SBNO2: variants seen among roughly 807,000 people sequenced by gnomAD.
SBNO2 encodes the protein strawberry notch homolog 2, also known as protein strawberry notch homolog 2.
In SBNO2, 89 loss-of-function variants were observed where a neutral mutation model predicts 146.3. That is an observed-to-expected ratio of 0.61 (90% CI 0.51 to 0.73). The LOEUF (loss-of-function observed/expected upper bound fraction) is 0.73. Among genes scored for constraint, SBNO2 ranks in the 30% least tolerant of loss-of-function variants. The pLI, the probability that SBNO2 is intolerant of heterozygous loss-of-function variation, is 0.00. For synonymous variants in SBNO2, 1,147 were observed against 892.6 expected, an observed-to-expected ratio of 1.29 and a Z score of -5.08; for missense variants, 2,092 against 2,003.7, an observed-to-expected ratio of 1.04 and a Z score of -0.84.
intron 11 of SBNO2, among the ~76,000 whole-genome samples, chr19:1,120,601 C>T (rs1024252835): frequency 2.6e-5 from 4 of 152,074 alleles, no homozygotes; most frequent in Non-Finnish European, 5.9e-5. Flanking sequence ...AAACTCCTGA[C>T]CTCAAGTGAC....
Position 1,126,379 on chromosome 19 carries a change from C to G in SBNO2, c.441+1225G>C, listed in dbSNP as rs1287483064. On this transcript the variant is annotated intron_variant, in intron 5 of 31. Transcript: ENST00000361757. The surrounding 1 kb of genome is among the most constrained non-coding windows in gnomAD (Gnocchi z 4.4). The stretch of plus-strand genomic sequence containing the variant: ...GCGGGCATTGGGTTTCAGATGCCCT[C>G]GTGCCGGCCACAGCAGGCCGGTCAG... Among the ~76,000 whole-genome samples the G allele has an allele frequency of 6.6e-6, 1 of 152,110 alleles. No homozygotes were observed. Among genetic ancestry groups the G allele is most frequent in the East Asian group, 1.9e-4 (1 of 5,194 alleles).
chr19:1,116,879 C>G lies in SBNO2; in HGVS notation c.1752G>C (p.Glu584Asp). The change falls in exon 16 of 32, where the codon GAG becomes GAC. Residue 584 changes from glutamate to aspartate, a missense_variant. Physicochemically the swap from Glu to Asp is conservative, Grantham distance 45. Coordinates refer to ENST00000361757, the MANE Select transcript of SBNO2 (RefSeq NM_014963.3). ...GGTGCCCATCGTTCTCCCCCAGCACCTCCCGCGTGCGCGCCTCGCCCGTGG... is the reference window on the plus strand; with the variant it reads ...GGTGCCCATCGTTCTCCCCCAGCACGTCCCGCGTGCGCGCCTCGCCCGTGG... ...LQSTGEARTREVLGENDGHLN... is the reference protein window; with the variant it reads ...LQSTGEARTRDVLGENDGHLN... 6.3e-7 allele frequency: 1 copy of G among 1,586,410 alleles called. No individual in the cohort carries two copies.
chr19:1,157,511 C>T lies in SBNO2; in HGVS notation c.-126-3109G>A, dbSNP rs2080303129. Among the ~76,000 whole-genome samples the T allele has an allele frequency of 6.7e-6, 1 of 149,110 alleles. No individual in the cohort carries two copies. The highest frequency in any genetic ancestry group is 2.4e-5 in the African/African-American group (1 of 40,830). On this transcript the variant is annotated intron_variant, in intron 1 of 31. Coordinates refer to ENST00000361757, the MANE Select transcript of SBNO2 (RefSeq NM_014963.3). This position sits in a 1 kb window ranked among gnomAD's most constrained non-coding sequence, Gnocchi z 6.8. The stretch of plus-strand genomic sequence containing the variant: ...TCCAGCGGGCAGCAGAGCGTGTCCC[C>T]TGCCTGGTTTTATTTTTGGGCGCGA...
rs191642960 is a variant in SBNO2, at chr19:1,149,364, C to T, written c.167+5G>A. On this transcript the variant is annotated splice_donor_5th_base_variant and intron_variant, in intron 3 of 31. Coordinates refer to ENST00000361757, the MANE Select transcript of SBNO2 (RefSeq NM_014963.3). ...GGGCCAGGCGGGGAGGGTCCCGGTA[C>T]TCACCGGCTGTCGCTGGAGAAGGCA... The T allele has an allele frequency of 4.5e-6, 7 of 1,551,356 alleles. No individual in the cohort carries two copies. The highest frequency in any genetic ancestry group is 4.4e-6 in the Non-Finnish European group (5 of 1,147,494).
At chr19:1,119,455 G>A (rs978703252) in intron 13 of SBNO2, 61 bp downstream of exon 13, 12 of 1,311,122 alleles carry the variant, frequency 9.2e-6, no homozygotes, top group Admixed American at 2.1e-5. Context: ...TTGGGCTGAT[G>A]GGCCTGAGGC....
chr19:1,146,597 G>A (rs1237206335), intron 4 of SBNO2, among the ~76,000 whole-genome samples: 1 of 151,814 alleles, frequency 6.6e-6, no homozygotes, highest in Non-Finnish European at 1.5e-5. Flanking sequence ...CCCTGGCCCC[G>A]GGTCCCACAC....
intron 1 of SBNO2, among the ~76,000 whole-genome samples, chr19:1,160,535 G>T (rs1174903691): frequency 6.6e-6 from 1 of 152,060 alleles, no homozygotes; most frequent in Non-Finnish European, 1.5e-5. Flanking sequence ...GCCACCGGGG[G>T]TCTCGTCCCT....
intron 2 of SBNO2, among the ~76,000 whole-genome samples, chr19:1,151,175 G>A (rs983602750): frequency 2.0e-5 from 3 of 152,250 alleles, no homozygotes; most frequent in Non-Finnish European, 4.4e-5. Context: ...GAACATTCTG[G>A]AACAGAACTC....
At position 1,157,061 on chromosome 19, in the gene SBNO2, G is replaced by A. The variant is rs1407152467; in HGVS notation, c.-126-2659C>T. 4.1e-5 allele frequency among the ~76,000 whole-genome samples: 6 copies of A among 147,880 alleles called. No individual in the cohort carries two copies. The South Asian group carries it at 6.6e-4, about 16-fold the overall frequency. On this transcript the variant is annotated intron_variant, in intron 1 of 31. Coordinates refer to ENST00000361757, the MANE Select transcript of SBNO2 (RefSeq NM_014963.3). The surrounding 1 kb of genome is among the most constrained non-coding windows in gnomAD (Gnocchi z 6.8). ...CATATCTCACAACCCCTGCTGCCCCGATCCCCAGGCCCTCCCGCAGCCCCC... is the reference window on the plus strand; with the variant it reads ...CATATCTCACAACCCCTGCTGCCCCAATCCCCAGGCCCTCCCGCAGCCCCC...
chr19:1,110,786 T>C lies in SBNO2; in HGVS notation c.2987A>G (p.Glu996Gly), dbSNP rs752197785. The change falls in exon 26 of 32, where the codon GAG becomes GGG. Residue 996 changes from glutamate (E) to glycine (G), a missense_variant. Transcript: ENST00000361757. The surrounding 1 kb of genome is among the most constrained non-coding windows in gnomAD (Gnocchi z 4.9). ...YFSDTFDHLI[E>G]MDKREGKYDM... is the part of the protein sequence containing the mutation. Reference sequence around the variant, plus strand: ...GTATTTGCCCTCCCGCTTGTCCATCTCGATGAGGTGGTCGAAGGTGTCTGA... The same window carrying C: ...GTATTTGCCCTCCCGCTTGTCCATCCCGATGAGGTGGTCGAAGGTGTCTGA... 1.2e-6 allele frequency: 2 copies of C among 1,613,456 alleles called. No individual in the cohort carries two copies. Among genetic ancestry groups the C allele is most frequent in the Non-Finnish European group, 1.7e-6 (2 of 1,179,720 alleles).
rs370283889 is a variant in SBNO2 at position 1,150,216 on chromosome 19, G to A, written c.94-774C>T. Among the ~76,000 whole-genome samples, 5 of 152,282 alleles carry A rather than the reference G, an allele frequency of 3.3e-5. No homozygotes were observed. The highest frequency in any genetic ancestry group is 1.9e-4 in the East Asian group (1 of 5,176). On this transcript the variant is annotated intron_variant, in intron 2 of 31. Transcript: ENST00000361757. This position sits in a 1 kb window ranked among gnomAD's most constrained non-coding sequence, Gnocchi z 6.2. Reference sequence around the variant, plus strand: ...GGAAAACCTCACTATGCCTGCCCTTGGGAATGAGAGCGGCTTGAGGCACAC... The same window carrying A: ...GGAAAACCTCACTATGCCTGCCCTTAGGAATGAGAGCGGCTTGAGGCACAC...
rs180784229 is a variant in SBNO2 at position 1,173,828 on chromosome 19, G to C, written c.-127+344C>G. 1 of 151,974 alleles carries C rather than the reference G, an allele frequency of 6.6e-6. No individual in the cohort carries two copies. 9.4% of individuals were successfully genotyped at this position (151,974 alleles called of 1,614,324 possible). A position where few individuals can be genotyped will look rare whatever the true frequency, so the allele number is the denominator to read the frequency against. On this transcript the variant is annotated intron_variant, in intron 1 of 31. Transcript: ENST00000361757. The surrounding 1 kb of genome is among the most constrained non-coding windows in gnomAD (Gnocchi z 4.7). ...AGGTCGGGGGTCACCAAGCTGCGCGGTACAGGGAGTCACCCGGAAGAGCGG... is the reference window on the plus strand; with the variant it reads ...AGGTCGGGGGTCACCAAGCTGCGCGCTACAGGGAGTCACCCGGAAGAGCGG...
Position 1,108,287 on chromosome 19 carries a change from C to CCGCCCGCCG in SBNO2, c.4025_4033dup (p.Ala1342_Gly1344dup). 2.0e-6 allele frequency: 3 copies of CCGCCCGCCG among 1,501,280 alleles called. No homozygotes were observed. Among genetic ancestry groups the CCGCCCGCCG allele is most frequent in the Non-Finnish European group, 2.7e-6 (3 of 1,122,752 alleles). The allele number at this position is 1,501,280 out of a possible 1,614,324, so 93.0% of individuals were successfully genotyped here. ...GATCACGCTCTGCCGCTCGGGACCA[C>CCGCCCGCCG]CGCCCGCCGCGCCCCCCGCCCCCGC... On this transcript the variant is annotated inframe_insertion, in exon 32 of 32. Coordinates refer to ENST00000361757, the MANE Select transcript of SBNO2 (RefSeq NM_014963.3).
At chr19:1,123,097 C>T in intron 7 of SBNO2, 52 bp from the exon 8 acceptor site, 1 of 1,567,104 alleles carries the variant, frequency 6.4e-7, no homozygotes, top group Non-Finnish European at 8.6e-7. Flanking sequence ...AAGGGGTGAC[C>T]AGGGCCGGTT....
At chr19:1,119,245 G>A (rs1469628774) in intron 13 of SBNO2, 81 bp from the exon 14 acceptor site, 27 of 1,484,894 alleles carry the variant, frequency 1.8e-5, no homozygotes, top group South Asian at 3.7e-5. Flanking sequence ...AGAGCCAGTC[G>A]CAGAGAGGGC....
chr19:1,108,069 G>A lies in SBNO2; in HGVS notation c.*151C>T, dbSNP rs1476410871. On this transcript the variant is annotated 3_prime_UTR_variant, in exon 32 of 32. Coordinates refer to ENST00000361757, the MANE Select transcript of SBNO2 (RefSeq NM_014963.3). Reference sequence around the variant, plus strand: ...AGTGGGCCCCGCCAGGGCTGACCAGGTGGGGGCCCGGGTCGGGCGCTGAAG... The same window carrying A: ...AGTGGGCCCCGCCAGGGCTGACCAGATGGGGGCCCGGGTCGGGCGCTGAAG... 4.5e-6 allele frequency: 4 copies of A among 892,980 alleles called. No individual in the cohort carries two copies. Among genetic ancestry groups the A allele is most frequent in the Non-Finnish European group, 6.1e-6 (4 of 651,932 alleles). 55.3% of individuals were successfully genotyped at this position (892,980 alleles called of 1,614,324 possible). A position where few individuals can be genotyped will look rare whatever the true frequency, so the allele number is the denominator to read the frequency against.
intron 4 of SBNO2, among the ~76,000 whole-genome samples, chr19:1,130,248 G>A (rs1335389239): frequency 2.6e-5 from 4 of 152,180 alleles, no homozygotes; most frequent in East Asian, 1.9e-4. Context: ...AGCCACAGAC[G>A]GGAGATAGAA....
rs1418773190 is a variant in SBNO2, at chr19:1,109,932, GA to G, written c.3029-156del. 6.6e-6 allele frequency among the ~76,000 whole-genome samples: 1 copy of G among 151,998 alleles called. No homozygotes were observed. Among genetic ancestry groups the G allele is most frequent in the Non-Finnish European group, 1.5e-5 (1 of 67,966 alleles). On this transcript the variant is annotated intron_variant, in intron 26 of 31. Coordinates refer to ENST00000361757, the MANE Select transcript of SBNO2 (RefSeq NM_014963.3). This position sits in a 1 kb window ranked among gnomAD's most constrained non-coding sequence, Gnocchi z 4.2. ...CTGGCCTGACCTGGCCCAGCGTGGG[GA>G]TGGTGCACGTGGGCCCCAACCTGGC...
At chr19:1,122,609 T>TCC in intron 9 of SBNO2, 49 bp downstream of exon 9, 2 of 248,896 alleles carry the variant, frequency 8.0e-6, no homozygotes, top group Non-Finnish European at 5.8e-6. Flanking sequence ...CGCCCCCCGC[T>TCC]TCCGCCCCCC....
Sources: gnomAD v4.1 joint callset for allele counts (sites outside exome capture counted in the v4.1 genomes callset) on GRCh38, gnomAD v4.1.1 for gene constraint, Gnocchi (gnomAD v3.1) non-coding constraint, MANE v1.5 for transcripts, NCBI Gene and HGNC (gene_info 2026-07-23, HGNC 2026-07-21) for gene names.